PLEKHA2: variants seen among roughly 807,000 people sequenced by gnomAD.
PLEKHA2 encodes pleckstrin homology domain containing A2.
A neutral mutation model predicts 53.2 loss-of-function variants in PLEKHA2; 28 were observed. That is an observed-to-expected ratio of 0.53 (90% confidence interval 0.39 to 0.72). The LOEUF is 0.72. Among genes scored for constraint, PLEKHA2 ranks in the 30% least tolerant of loss-of-function variants. PLEKHA2 has a pLI of 0.00. For missense variants in PLEKHA2, 426 were observed against 537.9 expected, an observed-to-expected ratio of 0.79 and a Z score of 2.06; for synonymous variants, 193 against 196.4, an observed-to-expected ratio of 0.98 and a Z score of 0.14.
rs1286191872 is a variant in PLEKHA2, at chr8:38,922,194, G to C, written c.141+4124G>C. ...GAGACAGGCGTCTAAGGGTGACTTG[G>C]AGGATGAAGAGCCTGCAAAGGTAGT... On this transcript the variant is annotated intron_variant, in intron 2 of 11. Transcript: ENST00000617275. The surrounding 1 kb of genome is among the most constrained non-coding windows in gnomAD (Gnocchi z 4.0). Among the ~76,000 whole-genome samples, 1 of 152,200 alleles carries C rather than the reference G, an allele frequency of 6.6e-6. No individual in the cohort carries two copies. The highest frequency in any genetic ancestry group is 1.5e-5 in the Non-Finnish European group (1 of 68,038).
rs114383754 is a variant in PLEKHA2, at chr8:38,945,369, A to T, written c.248-755A>T. On this transcript the variant is annotated intron_variant, in intron 4 of 11. Coordinates refer to ENST00000617275, the MANE Select transcript of PLEKHA2 (RefSeq NM_021623.2). Reference sequence around the variant, plus strand: ...GAATGAATGAACGGATGAATTCTGCATCTACCCCATGAGACTCACCTCCTA... The same window carrying T: ...GAATGAATGAACGGATGAATTCTGCTTCTACCCCATGAGACTCACCTCCTA... Among the ~76,000 whole-genome samples, 439 of 152,290 alleles carry T rather than the reference A, an allele frequency of 2.9e-3. 2 individuals carry two copies. The highest frequency in any genetic ancestry group is 0.01 in the African/African-American group (420 of 41,548).
At chr8:38,967,447 T>G (rs1014526416) in intron 10 of PLEKHA2, among the ~76,000 whole-genome samples, 1 of 152,232 alleles carries the variant, frequency 6.6e-6, no homozygotes, top group African/African-American at 2.4e-5. Flanking sequence ...CCATAAAGGT[T>G]GTACTAATTT....
Position 38,969,508 on chromosome 8 carries a change from C to A in PLEKHA2, c.1003C>A (p.Arg335=). The A allele has an allele frequency of 6.2e-7, 1 of 1,613,636 alleles. No individual in the cohort carries two copies. Among genetic ancestry groups the A allele is most frequent in the Non-Finnish European group, 8.5e-7 (1 of 1,179,730 alleles). The part of the protein sequence containing the change: ...SGPNSILCRG[R]PPLEEKKALC... ...GCCCAACTCTATCCTGTGCAGGGGG[C>A]GGCCACCTTTGGAGGAAAAGAAAGC... Residue 335 remains arginine, a synonymous_variant, in exon 12 of 12, where the codon CGG becomes AGG. Transcript: ENST00000617275.
intron 1 of PLEKHA2, among the ~76,000 whole-genome samples, chr8:38,902,224 G>GGT (rs1554552777): frequency 7.3e-6 from 1 of 136,978 alleles, no homozygotes; most frequent in Non-Finnish European, 1.6e-5. Flanking sequence ...AGGGTGTGGG[G>GGT]GGGGGTGGTG....
In PLEKHA2 at chr8:38,935,987, C is replaced by G. The variant is rs1413405300; in HGVS notation, c.142-7C>G. On this transcript the variant is annotated splice_polypyrimidine_tract_variant and splice_region_variant and intron_variant, in intron 2 of 11. Coordinates refer to ENST00000617275, the MANE Select transcript of PLEKHA2 (RefSeq NM_021623.2). Reference sequence around the variant, plus strand: ...CCTTCTTAAAATGAAAACTATGTGTCTTTCAGAATCTGGCAATGGGGGCAG... The same window carrying G: ...CCTTCTTAAAATGAAAACTATGTGTGTTTCAGAATCTGGCAATGGGGGCAG... The G allele has an allele frequency of 1.2e-6, 2 of 1,613,228 alleles. No individual in the cohort carries two copies. The highest frequency in any genetic ancestry group is 1.7e-6 in the Non-Finnish European group (2 of 1,179,328).
chr8:38,958,928 A>G lies in PLEKHA2; in HGVS notation c.837+1542A>G, dbSNP rs566509565. On this transcript the variant is annotated intron_variant, in intron 10 of 11. Coordinates refer to ENST00000617275, the MANE Select transcript of PLEKHA2 (RefSeq NM_021623.2). ...GAGGGAGTGCTGGGGGAGATGGAGC[A>G]CAGGGGAGTTTGCAGACAGTGAAAC... Among the ~76,000 whole-genome samples the G allele has an allele frequency of 2.8e-3, 428 of 152,276 alleles. 1 individual carries two copies. The highest frequency in any genetic ancestry group is 4.5e-3 in the Non-Finnish European group (305 of 68,014).
chr8:38,938,022 T>G (rs1450132559), intron 3 of PLEKHA2, among the ~76,000 whole-genome samples: 1 of 152,164 alleles, frequency 6.6e-6, no homozygotes, highest in African/African-American at 2.4e-5. Context: ...GATGATTGGA[T>G]GTCATCCAGA....
At chr8:38,940,021 G>A (rs1375773518) in intron 3 of PLEKHA2, among the ~76,000 whole-genome samples, 1 of 150,136 alleles carries the variant, frequency 6.7e-6, no homozygotes, top group Non-Finnish European at 1.5e-5. Flanking sequence ...CTGGAGCCCA[G>A]GAGTTTGAGG....
At chr8:38,913,128 C>G (rs530437578) in intron 1 of PLEKHA2, among the ~76,000 whole-genome samples, 1 of 152,256 alleles carries the variant, frequency 6.6e-6, no homozygotes, top group African/African-American at 2.4e-5. Context: ...CTTTGGGAGG[C>G]CGAGGCTGGT....
At chr8:38,923,082 T>C in intron 2 of PLEKHA2, among the ~76,000 whole-genome samples, 1 of 152,198 alleles carries the variant, frequency 6.6e-6, no homozygotes, top group East Asian at 1.9e-4. Flanking sequence ...CTAATAATCC[T>C]GGCAAATCAT....
intron 1 of PLEKHA2, among the ~76,000 whole-genome samples, chr8:38,915,355 G>T (rs1404340914): frequency 1.3e-5 from 2 of 152,246 alleles, no homozygotes; most frequent in South Asian, 2.1e-4. Flanking sequence ...AACGGCAGAA[G>T]TTCATTTTCT....
chr8:38,955,067 T>A (rs1056179753), intron 9 of PLEKHA2, among the ~76,000 whole-genome samples: 8 of 152,206 alleles, frequency 5.3e-5, no homozygotes, highest in African/African-American at 1.4e-4. Context: ...TTACATTTTT[T>A]AAAATTTCTA....
intron 1 of PLEKHA2, among the ~76,000 whole-genome samples, chr8:38,903,600 A>G (rs1324345406): frequency 1.3e-5 from 2 of 152,196 alleles, no homozygotes; most frequent in Admixed American, 6.5e-5. Flanking sequence ...GCTGAGCCCC[A>G]GAGCAGCCCT....
intron 10 of PLEKHA2, among the ~76,000 whole-genome samples, chr8:38,959,853 A>T (rs1258134258): frequency 1.3e-5 from 2 of 152,218 alleles, no homozygotes; most frequent in East Asian, 3.8e-4. Flanking sequence ...TAACAGGAGC[A>T]TGGGAGGAGG....
At chr8:38,948,325 A>G (rs749713319) in intron 5 of PLEKHA2, among the ~76,000 whole-genome samples, 1 of 152,168 alleles carries the variant, frequency 6.6e-6, no homozygotes, top group Non-Finnish European at 1.5e-5. Context: ...CCTAGAGCCA[A>G]ATCACTTAAT....
chr8:38,946,961 C>A (rs928970722), intron 5 of PLEKHA2, among the ~76,000 whole-genome samples: 7 of 152,166 alleles, frequency 4.6e-5, no homozygotes, highest in Admixed American at 4.6e-4. Flanking sequence ...GTTTGAGGGG[C>A]TTCCAGTAGT....
chr8:38,904,149 G>C (rs1312223695), intron 1 of PLEKHA2, among the ~76,000 whole-genome samples: 1 of 152,206 alleles, frequency 6.6e-6, no homozygotes, highest in Non-Finnish European at 1.5e-5. Flanking sequence ...CATCCTGTCA[G>C]TAGAGGAGGC....
At chr8:38,916,138 G>T (rs547073616) in intron 1 of PLEKHA2, among the ~76,000 whole-genome samples, 1 of 152,040 alleles carries the variant, frequency 6.6e-6, no homozygotes, top group African/African-American at 2.4e-5. Context: ...ACCACGACTG[G>T]CTAATTTTTT....
chr8:38,949,746 G>T (rs1237084556), intron 5 of PLEKHA2, among the ~76,000 whole-genome samples: 2 of 152,184 alleles, frequency 1.3e-5, no homozygotes, highest in Admixed American at 1.3e-4. Flanking sequence ...CTTTTTAGTT[G>T]TGTTTCTAAA....
Sources: allele counts gnomAD v4.1 joint callset (sites outside exome capture counted in the v4.1 genomes callset), GRCh38; gene constraint gnomAD v4.1.1; non-coding constraint Gnocchi (gnomAD v3.1); transcripts MANE v1.5; gene names NCBI Gene and HGNC (gene_info 2026-07-23, HGNC 2026-07-21).